SLC36A1: variants seen among roughly 807,000 people sequenced by gnomAD.
SLC36A1 encodes the protein solute carrier family 36 member 1.
SLC36A1 carries 30 observed loss-of-function variants against 47.5 expected under a neutral mutation model. That is an observed-to-expected ratio of 0.63 (90% confidence interval 0.47 to 0.86). The LOEUF (loss-of-function observed/expected upper bound fraction) is 0.86, where lower values mean the gene tolerates loss of function less well. Ranked by LOEUF, SLC36A1 falls within the 40% of genes least tolerant of loss-of-function variation. The pLI, the probability that SLC36A1 is intolerant of heterozygous loss-of-function variation, is 0.00. For synonymous variants in SLC36A1, 255 were observed against 249.7 expected (o/e 1.02, Z -0.20); for missense variants, 517 against 606.0 (o/e 0.85, Z 1.54).
At chr5:151,409,671 T>C in the SLC36A1 span, among the ~76,000 whole-genome samples, 61,039 of 152,026 alleles carry the variant, frequency 0.4, 12,359 homozygotes, top group South Asian at 0.44. Context: ...AGAATCTGCA[T>C]TGTAATAAGG....
At chr5:151,346,480 A>G in the SLC36A1 span, among the ~76,000 whole-genome samples, 594 of 152,078 alleles carry the variant, frequency 3.9e-3, 9 homozygotes, top group African/African-American at 0.013. Context: ...CATGTCAGAA[A>G]ACTGGAACTT....
the SLC36A1 span, among the ~76,000 whole-genome samples, chr5:151,376,313 CAATA>C: frequency 6.6e-6 from 1 of 152,172 alleles, no homozygotes; most frequent in Non-Finnish European, 1.5e-5. Context: ...TTAGATAAAT[CAATA>C]AATAGTCTAG....
At chr5:151,428,777 C>T in the SLC36A1 span, among the ~76,000 whole-genome samples, 2 of 152,186 alleles carry the variant, frequency 1.3e-5, no homozygotes, top group African/African-American at 2.4e-5. Flanking sequence ...GGATGACAGG[C>T]ATGCGCCATC....
At chr5:151,505,441 A>T in the SLC36A1 span, 1 of 1,185,046 alleles carries the variant, frequency 8.4e-7, no homozygotes, top group East Asian at 2.5e-5. Flanking sequence ...AAGGGACAAC[A>T]GCCTGGGCTG....
downstream of SLC36A1, among the ~76,000 whole-genome samples, chr5:151,494,492 AATCTGT>A (rs1561799232): frequency 6.6e-6 from 1 of 152,176 alleles, no homozygotes; most frequent in Non-Finnish European, 1.5e-5. Context: ...GGCAACTGCT[AATCTGT>A]TTTATCTGTC....
At chr5:151,474,680 C>G (rs1757802612) in intron 8 of SLC36A1, among the ~76,000 whole-genome samples, 1 of 152,166 alleles carries the variant, frequency 6.6e-6, no homozygotes, top group Non-Finnish European at 1.5e-5. Flanking sequence ...AAAAGAGCAG[C>G]CTTCACTCCT....
the SLC36A1 span, among the ~76,000 whole-genome samples, chr5:151,541,749 G>A: frequency 6.6e-6 from 1 of 152,236 alleles, no homozygotes; most frequent in African/African-American, 2.4e-5. Flanking sequence ...AAGCACAAGA[G>A]TGTGACCTTG....
the SLC36A1 span, chr5:151,382,269 G>A: frequency 2.3e-6 from 3 of 1,303,994 alleles, no homozygotes; most frequent in Non-Finnish European, 3.3e-6. Flanking sequence ...GAGCTACATA[G>A]CACACACAGG....
At chr5:151,369,021 A>T in the SLC36A1 span, among the ~76,000 whole-genome samples, 1 of 152,238 alleles carries the variant, frequency 6.6e-6, no homozygotes. Context: ...GGATGGAAAA[A>T]GCTGACTAGT....
chr5:151,429,386 C>G, the SLC36A1 span, among the ~76,000 whole-genome samples: 547 of 123,192 alleles, frequency 4.4e-3, 5 homozygotes, highest in Admixed American at 0.013. Flanking sequence ...GTGTGATGTT[C>G]CCCTTCCTGT....
chr5:151,385,828 G>GT, the SLC36A1 span, among the ~76,000 whole-genome samples: 1 of 151,542 alleles, frequency 6.6e-6, no homozygotes, highest in Non-Finnish European at 1.5e-5. Context: ...CATTGTTCAG[G>GT]TTCTAATATG....
intron 9 of SLC36A1, among the ~76,000 whole-genome samples, chr5:151,478,522 A>G (rs766868674): frequency 6.6e-6 from 1 of 152,210 alleles, no homozygotes; most frequent in African/African-American, 2.4e-5. Context: ...CAGTGTCTTC[A>G]TCTAATTCTA....
chr5:151,404,276 T>C, the SLC36A1 span, among the ~76,000 whole-genome samples: 2 of 152,212 alleles, frequency 1.3e-5, no homozygotes, highest in Non-Finnish European at 2.9e-5. Context: ...TAGACCTTTC[T>C]CCATCTCTTT....
chr5:151,545,007 C>T, the SLC36A1 span: 3 of 1,614,192 alleles, frequency 1.9e-6, no homozygotes, highest in East Asian at 4.5e-5. Flanking sequence ...CCCTCACTTC[C>T]ACTGCCAACT....
chr5:151,520,112 G>A, the SLC36A1 span, among the ~76,000 whole-genome samples: 21 of 152,226 alleles, frequency 1.4e-4, no homozygotes, highest in African/African-American at 5.1e-4. Flanking sequence ...AGCCTAAATC[G>A]AGTGGTCCCT....
At chr5:151,473,965 G>C (rs1358266962) in intron 8 of SLC36A1, among the ~76,000 whole-genome samples, 194 bp downstream of exon 8, 1 of 151,662 alleles carries the variant, frequency 6.6e-6, no homozygotes, top group Non-Finnish European at 1.5e-5. Context: ...TTCGAAACCA[G>C]CCTGGCCAAC....
chr5:151,487,329 C>T (rs1420492098), intron 10 of SLC36A1, among the ~76,000 whole-genome samples: 2 of 152,220 alleles, frequency 1.3e-5, no homozygotes, highest in African/African-American at 2.4e-5. Flanking sequence ...CATTGGTCTT[C>T]GTCAGTTCCT....
the SLC36A1 span, among the ~76,000 whole-genome samples, chr5:151,358,836 C>T: frequency 7.9e-5 from 12 of 151,000 alleles, no homozygotes; most frequent in East Asian, 1.9e-4. Context: ...TAGCCGGGCG[C>T]GGTGGCGGGT....
the SLC36A1 span, among the ~76,000 whole-genome samples, chr5:151,392,871 A>G: frequency 2.6e-5 from 4 of 152,226 alleles, no homozygotes; most frequent in South Asian, 2.1e-4. Context: ...AGAAGAATGT[A>G]TATTCTGTTG....
Sources: allele counts gnomAD v4.1 joint callset (sites outside exome capture counted in the v4.1 genomes callset), GRCh38; gene constraint gnomAD v4.1.1; transcripts MANE v1.5; gene names NCBI Gene and HGNC (gene_info 2026-07-23, HGNC 2026-07-21).